Variants in FAM193A observed in about 807,000 individuals in gnomAD.
FAM193A encodes the protein family with sequence similarity 193 member A.
A neutral mutation model predicts 126.5 loss-of-function variants in FAM193A; 22 were observed. The observed-to-expected ratio is 0.17, with a 90% CI of 0.12 to 0.25. FAM193A has a LOEUF of 0.25. Ranked by LOEUF, FAM193A falls within the 10% of genes least tolerant of loss-of-function variation. FAM193A has a pLI of 1.00. For synonymous variants in FAM193A, 761 were observed against 646.8 expected (o/e 1.18, Z -2.68); for missense variants, 1,675 against 1,672.8 (o/e 1.00, Z -0.02).
At chr4:2,553,100 G>C (rs1334147776) in intron 1 of FAM193A, among the ~76,000 whole-genome samples, 1 of 151,998 alleles carries the variant, frequency 6.6e-6, no homozygotes, top group Admixed American at 6.6e-5. Flanking sequence ...CACCGGCCTC[G>C]GTCTCCCAGC....
Position 2,659,595 on chromosome 4 carries a change from TCACAGACAC to T in FAM193A, c.1430_1438del (p.Thr477_Thr479del), listed in dbSNP as rs1712151559. 1.2e-6 allele frequency: 2 copies of T among 1,613,948 alleles called. No individual in the cohort carries two copies. Among genetic ancestry groups the T allele is most frequent in the Non-Finnish European group, 1.7e-6 (2 of 1,179,998 alleles). ...AAAGCAGTTACTGGCGAGAACAACT[TCACAGACAC>T]CATGAGGCACATGTTATCGTCCCGG... On this transcript the variant is annotated inframe_deletion, in exon 9 of 21. Coordinates refer to ENST00000637812, the MANE Select transcript of FAM193A (RefSeq NM_001366318.2).
At position 2,731,895 on chromosome 4, in the gene FAM193A, C is replaced by G. The variant is rs371359309; in HGVS notation, c.*27C>G. The G allele has an allele frequency of 2.6e-5, 41 of 1,553,234 alleles. No homozygotes were observed. The highest frequency in any genetic ancestry group is 3.5e-5 in the Non-Finnish European group (39 of 1,125,404). On this transcript the variant is annotated 3_prime_UTR_variant, in exon 21 of 21. Coordinates refer to ENST00000637812, the MANE Select transcript of FAM193A (RefSeq NM_001366318.2). Reference sequence around the variant, plus strand: ...TGAGGACTCCCTGGAGAGGGACACGCGAGAGGCAGGCCAGGCTGCACCACC... The same window carrying G: ...TGAGGACTCCCTGGAGAGGGACACGGGAGAGGCAGGCCAGGCTGCACCACC...
chr4:2,709,341 T>C (rs2109344773), intron 19 of FAM193A, among the ~76,000 whole-genome samples: 1 of 152,314 alleles, frequency 6.6e-6, no homozygotes, highest in East Asian at 1.9e-4. Flanking sequence ...GAGAGATGGG[T>C]CTGTGACTTC....
intron 2 of FAM193A, among the ~76,000 whole-genome samples, chr4:2,604,479 G>A (rs912801787): frequency 2.0e-5 from 3 of 152,058 alleles, no homozygotes; most frequent in African/African-American, 4.8e-5. Flanking sequence ...TAAAAAGTTT[G>A]TTTTGCTTTA....
chr4:2,578,736 T>C (rs1739748446), intron 1 of FAM193A, among the ~76,000 whole-genome samples: 1 of 152,230 alleles, frequency 6.6e-6, no homozygotes, highest in South Asian at 2.1e-4. Context: ...TTGCTTCTTA[T>C]AGATATTATC....
At chr4:2,596,581 T>G (rs926698284) in intron 2 of FAM193A, among the ~76,000 whole-genome samples, 4 of 152,242 alleles carry the variant, frequency 2.6e-5, no homozygotes, top group African/African-American at 9.6e-5. Context: ...AAGGGTGATT[T>G]TTGGCTTTGA....
chr4:2,574,990 ACTC>A (rs1388964451), intron 1 of FAM193A, among the ~76,000 whole-genome samples: 1 of 151,976 alleles, frequency 6.6e-6, no homozygotes, highest in Admixed American at 6.6e-5. Context: ...GTTGGCTCAC[ACTC>A]CTCTAACTTC....
chr4:2,624,260 T>C (rs897692507), intron 2 of FAM193A, among the ~76,000 whole-genome samples: 2 of 152,036 alleles, frequency 1.3e-5, no homozygotes, highest in Non-Finnish European at 2.9e-5. Context: ...CACTGCAACC[T>C]CAGCCTCCCG....
At chr4:2,629,105 G>C (rs112237504) in intron 4 of FAM193A, among the ~76,000 whole-genome samples, 1 of 151,974 alleles carries the variant, frequency 6.6e-6, no homozygotes, top group East Asian at 1.9e-4. Flanking sequence ...GGGATTATAG[G>C]CGTGAGCCAC....
At chr4:2,655,501 A>C (rs1711568823) in intron 7 of FAM193A, among the ~76,000 whole-genome samples, 1 of 152,054 alleles carries the variant, frequency 6.6e-6, no homozygotes, top group African/African-American at 2.4e-5. Context: ...TTTTAGAGAC[A>C]GGGTTTCACA....
At chr4:2,628,213 C>T (rs147178758) in intron 4 of FAM193A, among the ~76,000 whole-genome samples, 1 of 151,608 alleles carries the variant, frequency 6.6e-6, no homozygotes, top group East Asian at 2.0e-4. Flanking sequence ...GTTTGCTGTG[C>T]AGTAGATTCT....
chr4:2,575,245 A>G (rs1437451459), intron 1 of FAM193A, among the ~76,000 whole-genome samples: 1 of 152,168 alleles, frequency 6.6e-6, no homozygotes, highest in Non-Finnish European at 1.5e-5. Context: ...AGAGAATCCC[A>G]GGTGGCCGTG....
In FAM193A at chr4:2,540,468, A is replaced by AAAAC. The variant is rs559818414; in HGVS notation, c.255+3315_255+3318dup. On this transcript the variant is annotated intron_variant, in intron 1 of 20. Transcript: ENST00000637812. ...GGGCGACAGAGCGAGACTCCGTCTC[A>AAAAC]AAACAAACAAACAAACAAACCCCAA... 7.6e-4 allele frequency among the ~76,000 whole-genome samples: 108 copies of AAAAC among 142,988 alleles called. 2 individuals carry two copies. Among genetic ancestry groups the AAAAC allele is most frequent in the African/African-American group, 3.0e-3 (102 of 33,504 alleles). The allele number at this position is 142,988 out of a possible 152,430, so 93.8% of individuals were successfully genotyped here.
chr4:2,553,062 G>A (rs1413109979), intron 1 of FAM193A, among the ~76,000 whole-genome samples: 1 of 151,972 alleles, frequency 6.6e-6, no homozygotes, highest in Non-Finnish European at 1.5e-5. Flanking sequence ...TGGTCAGGCT[G>A]TTGTCAAACT....
At chr4:2,538,518 A>C (rs1004254687) in intron 1 of FAM193A, among the ~76,000 whole-genome samples, 21 of 151,916 alleles carry the variant, frequency 1.4e-4, no homozygotes, top group African/African-American at 5.1e-4. Flanking sequence ...ATATTGTTAC[A>C]TTAGGGTCTT....
In FAM193A at chr4:2,690,994, C is replaced by T. The variant is rs184793493; in HGVS notation, c.2803+24C>T. On this transcript the variant is annotated intron_variant, in intron 15 of 20. Coordinates refer to ENST00000637812, the MANE Select transcript of FAM193A (RefSeq NM_001366318.2). Reference sequence around the variant, plus strand: ...AGGTAAGGCTTGAAGGCTCACTGGCCCTCGGGGTCTGCAGGAAGGCTGGGC... The same window carrying T: ...AGGTAAGGCTTGAAGGCTCACTGGCTCTCGGGGTCTGCAGGAAGGCTGGGC... The T allele has an allele frequency of 1.9e-6, 3 of 1,591,562 alleles. No homozygotes were observed. In the African/African-American group the frequency reaches 4.1e-5, roughly 22 times the overall value.
Position 2,557,399 on chromosome 4 carries a change from G to T in FAM193A, c.255+20229G>T, listed in dbSNP as rs183996652. Among the ~76,000 whole-genome samples, 885 of 152,194 alleles carry T rather than the reference G, an allele frequency of 5.8e-3. 11 individuals carry two copies. The highest frequency in any genetic ancestry group is 0.016 in the Admixed American group (248 of 15,268). ...TATTCTAGCGAACCTTGGTATATTT[G>T]TCAAAACTAAGAAATTAGCATTGGT... is the stretch of plus-strand genomic sequence containing the variant. On this transcript the variant is annotated intron_variant, in intron 1 of 20. Coordinates refer to ENST00000637812, the MANE Select transcript of FAM193A (RefSeq NM_001366318.2).
At chr4:2,706,973 T>A (rs568970857) in intron 19 of FAM193A, among the ~76,000 whole-genome samples, 4 of 151,860 alleles carry the variant, frequency 2.6e-5, no homozygotes, top group South Asian at 2.1e-4. Context: ...ATAAAAAAAA[T>A]TAGCCAGGTG....
chr4:2,594,562 C>G (rs879804892), intron 1 of FAM193A, among the ~76,000 whole-genome samples: 18 of 152,156 alleles, frequency 1.2e-4, no homozygotes, highest in Non-Finnish European at 2.4e-4. Flanking sequence ...CTTTTTCTGG[C>G]TGCCTCTGGA....
Sources: gnomAD v4.1 joint callset for allele counts (sites outside exome capture counted in the v4.1 genomes callset) on GRCh38, gnomAD v4.1.1 for gene constraint, MANE v1.5 for transcripts, NCBI Gene and HGNC (gene_info 2026-07-23, HGNC 2026-07-21) for gene names.